GRHL2: variants seen among roughly 807,000 people sequenced by gnomAD.
GRHL2 encodes the protein grainyhead-like protein 2 homolog.
In GRHL2, 21 loss-of-function variants were observed where a neutral mutation model predicts 83.8. That is an observed-to-expected ratio of 0.25 (90% CI 0.18 to 0.36). The LOEUF is 0.36. GRHL2 is among the 10% of genes least tolerant of loss of function. The pLI is 1.00. For missense variants in GRHL2, 623 were observed against 781.8 expected, an observed-to-expected ratio of 0.80 and a Z score of 2.42; for synonymous variants, 280 against 278.9, an observed-to-expected ratio of 1.00 and a Z score of -0.04.
At chr8:101,522,539 CTG>C (rs35156007) in intron 1 of GRHL2, among the ~76,000 whole-genome samples, 12,068 of 152,186 alleles carry the variant, frequency 0.079, 529 homozygotes, top group African/African-American at 0.11. Context: ...AACAAAATAA[CTG>C]TGTAATCCCA....
intron 1 of GRHL2, among the ~76,000 whole-genome samples, chr8:101,533,146 T>A (rs1315016740): frequency 6.6e-6 from 1 of 152,174 alleles, no homozygotes; most frequent in Non-Finnish European, 1.5e-5. Flanking sequence ...CTCCACTTTT[T>A]TTTTTAAATT....
Position 101,666,792 on chromosome 8 carries a change from C to A in GRHL2, c.*89C>A. 1.3e-6 allele frequency: 1 copy of A among 783,840 alleles called. No homozygotes were observed. Among genetic ancestry groups the A allele is most frequent in the South Asian group, 1.4e-5 (1 of 70,140 alleles). 48.6% of individuals were successfully genotyped at this position (783,840 alleles called of 1,614,324 possible). ...GCCCCAGCCCCAGAACCTGGAGACC[C>A]ATCTCCCCCATCTCACAACTGCTGT... On this transcript the variant is annotated 3_prime_UTR_variant, in exon 16 of 16. Transcript: ENST00000646743.
At chr8:101,531,235 A>G (rs1233485516) in intron 1 of GRHL2, among the ~76,000 whole-genome samples, 3 of 151,746 alleles carry the variant, frequency 2.0e-5, no homozygotes, top group Non-Finnish European at 4.4e-5. Flanking sequence ...AAAAAAAAAA[A>G]AAAAAGAGAA....
intron 1 of GRHL2, among the ~76,000 whole-genome samples, chr8:101,508,032 C>A (rs1487398587): frequency 6.6e-6 from 1 of 152,098 alleles, no homozygotes; most frequent in African/African-American, 2.4e-5. Context: ...GAGATCCACC[C>A]GCCTTGAACT....
intron 7 of GRHL2, among the ~76,000 whole-genome samples, chr8:101,591,937 G>T (rs1451456086): frequency 1.3e-5 from 2 of 152,174 alleles, no homozygotes; most frequent in South Asian, 2.1e-4. Flanking sequence ...GGAGCAGGTG[G>T]TGCTTGAATC....
intron 11 of GRHL2, among the ~76,000 whole-genome samples, chr8:101,632,904 A>G (rs571239505): frequency 1.8e-4 from 28 of 152,350 alleles, no homozygotes; most frequent in African/African-American, 5.8e-4. Flanking sequence ...TTATATCTAC[A>G]AGTGAAACGA....
intron 7 of GRHL2, among the ~76,000 whole-genome samples, chr8:101,586,705 A>T (rs1812178529): frequency 6.6e-6 from 1 of 152,218 alleles, no homozygotes; most frequent in South Asian, 2.1e-4. Context: ...CAGAGAACAG[A>T]TGCTCAACCG....
chr8:101,626,568 C>A (rs1563614653), intron 9 of GRHL2, among the ~76,000 whole-genome samples: 1 of 151,940 alleles, frequency 6.6e-6, no homozygotes, highest in Non-Finnish European at 1.5e-5. Context: ...AGAGGAGCAA[C>A]TTAAGTGTTA....
At chr8:101,561,241 A>C (rs1811603794) in intron 4 of GRHL2, among the ~76,000 whole-genome samples, 1 of 152,122 alleles carries the variant, frequency 6.6e-6, no homozygotes, top group Non-Finnish European at 1.5e-5. Context: ...CAAAAACAGG[A>C]GCTTTTTAAA....
chr8:101,645,116 ATTTT>A (rs553249046), intron 13 of GRHL2, among the ~76,000 whole-genome samples: 10 of 117,344 alleles, frequency 8.5e-5, no homozygotes, highest in African/African-American at 2.6e-4. Context: ...GCAGTACAGA[ATTTT>A]TTTTTTTTTT....
At chr8:101,675,450 C>A in the GRHL2 span, among the ~76,000 whole-genome samples, 1 of 151,934 alleles carries the variant, frequency 6.6e-6, no homozygotes, top group African/African-American at 2.4e-5. Flanking sequence ...GAGTGAACTC[C>A]CATTCACAAC....
chr8:101,544,990 C>A (rs666026), intron 2 of GRHL2, among the ~76,000 whole-genome samples: 137,335 of 152,106 alleles, frequency 0.9, 62,215 homozygotes, highest in Non-Finnish European at 0.94. Flanking sequence ...TCCTTTCCCA[C>A]CTTCTTTCCC....
intron 4 of GRHL2, among the ~76,000 whole-genome samples, chr8:101,560,494 C>T (rs1586095763): frequency 6.6e-6 from 1 of 152,194 alleles, no homozygotes; most frequent in Non-Finnish European, 1.5e-5. Flanking sequence ...TCAACATGGA[C>T]ATATGCTTTC....
chr8:101,606,956 A>C (rs1338021419), intron 8 of GRHL2, among the ~76,000 whole-genome samples: 1 of 152,216 alleles, frequency 6.6e-6, no homozygotes, highest in African/African-American at 2.4e-5. Flanking sequence ...TGGAGAAAAC[A>C]TAGGTGTTCT....
intron 9 of GRHL2, among the ~76,000 whole-genome samples, chr8:101,623,436 G>A (rs1488447500): frequency 6.6e-6 from 1 of 150,398 alleles, no homozygotes; most frequent in Admixed American, 6.6e-5. Flanking sequence ...TGCACAGTAG[G>A]ACAGTACACA....
At chr8:101,509,109 CCT>C (rs1563555967) in intron 1 of GRHL2, among the ~76,000 whole-genome samples, 11,197 of 41,190 alleles carry the variant, frequency 0.27, 588 homozygotes, top group Admixed American at 0.35. Flanking sequence ...TTCTTTCTCT[CCT>C]TCCTTCCTTC....
chr8:101,535,773 C>T (rs1296509362), intron 1 of GRHL2, among the ~76,000 whole-genome samples: 1 of 152,192 alleles, frequency 6.6e-6, no homozygotes, highest in Admixed American at 6.5e-5. Context: ...CTCCTGACCT[C>T]AGGTGATCCA....
intron 1 of GRHL2, among the ~76,000 whole-genome samples, chr8:101,504,421 CAGTT>C (rs1810293257): frequency 6.6e-6 from 1 of 152,152 alleles, no homozygotes; most frequent in Non-Finnish European, 1.5e-5. Context: ...GAAAGAAACT[CAGTT>C]TGTTCCACTC....
At chr8:101,603,247 C>A (rs1812555950) in intron 8 of GRHL2, among the ~76,000 whole-genome samples, 1 of 152,114 alleles carries the variant, frequency 6.6e-6, no homozygotes, top group Admixed American at 6.5e-5. Flanking sequence ...GCCATGGCAG[C>A]ATCATTGGAG....
Sources: gnomAD v4.1 joint callset for allele counts (sites outside exome capture counted in the v4.1 genomes callset) on GRCh38, gnomAD v4.1.1 for gene constraint, MANE v1.5 for transcripts, NCBI Gene and HGNC (gene_info 2026-07-23, HGNC 2026-07-21) for gene names.